ADCY2: variants seen among roughly 807,000 people sequenced by gnomAD.
The protein encoded by ADCY2 is adenylate cyclase 2, also known as adenylate cyclase type 2.
Under a neutral mutation model 125.2 loss-of-function variants are expected in ADCY2, and 31 were observed. That is an observed-to-expected ratio of 0.25 (90% confidence interval 0.19 to 0.33). ADCY2 has a LOEUF of 0.33. ADCY2 is among the 10% of genes least tolerant of loss of function. The probability of loss-of-function intolerance (pLI) is 1.00; values close to 1 mark genes in which losing one functional copy is unlikely to be tolerated. For missense variants in ADCY2, 904 were observed against 1,418.2 expected (o/e 0.64, Z 5.82); for synonymous variants, 512 against 548.4 (o/e 0.93, Z 0.93).
intron 14 of ADCY2, among the ~76,000 whole-genome samples, chr5:7,739,364 T>C (rs1158073282): frequency 6.6e-6 from 1 of 151,822 alleles, no homozygotes; most frequent in Non-Finnish European, 1.5e-5. Flanking sequence ...TGTAAAAATG[T>C]TTAAATATCA....
At chr5:7,783,361 G>C (rs1579430844) in intron 18 of ADCY2, among the ~76,000 whole-genome samples, 1 of 152,136 alleles carries the variant, frequency 6.6e-6, no homozygotes. Context: ...GTAGGGGTTG[G>C]TACCCACCTT....
At chr5:7,606,922 T>C (rs1156273196) in intron 3 of ADCY2, among the ~76,000 whole-genome samples, 1 of 152,212 alleles carries the variant, frequency 6.6e-6, no homozygotes, top group Non-Finnish European at 1.5e-5. Context: ...GTCCATACTG[T>C]CTTCCATCCC....
intron 1 of ADCY2, among the ~76,000 whole-genome samples, chr5:7,409,164 G>A (rs1029672248): frequency 6.6e-6 from 1 of 152,162 alleles, no homozygotes; most frequent in South Asian, 2.1e-4. Flanking sequence ...TCACTTGTAA[G>A]TGGGAGCTAA....
chr5:7,659,703 G>T (rs1289132063), intron 4 of ADCY2, among the ~76,000 whole-genome samples: 1 of 152,180 alleles, frequency 6.6e-6, no homozygotes, highest in Non-Finnish European at 1.5e-5. Context: ...ACAAGAAACA[G>T]TTTCATTATT....
intron 24 of ADCY2, among the ~76,000 whole-genome samples, chr5:7,821,113 C>G (rs563804453): frequency 6.6e-6 from 1 of 152,116 alleles, no homozygotes; most frequent in Non-Finnish European, 1.5e-5. Flanking sequence ...AAGTGGTAGG[C>G]TTCGGAGAGG....
intron 3 of ADCY2, among the ~76,000 whole-genome samples, chr5:7,603,784 CTTTTTT>C: frequency 5.5e-3 from 347 of 62,808 alleles, no homozygotes; most frequent in African/African-American, 8.1e-3. Flanking sequence ...TGCTCTCTTT[CTTTTTT>C]TTTTTTTTTT....
chr5:7,592,492 G>A (rs1027236244), intron 3 of ADCY2, among the ~76,000 whole-genome samples: 12 of 152,044 alleles, frequency 7.9e-5, no homozygotes, highest in Non-Finnish European at 1.2e-4. Context: ...GTGGGAAGAC[G>A]TAATGCCCAG....
chr5:7,820,776 T>C (rs538213093), intron 24 of ADCY2, 87 bp downstream of exon 24: 3 of 1,402,680 alleles, frequency 2.1e-6, no homozygotes, highest in Admixed American at 2.6e-5. Flanking sequence ...GATACTAATA[T>C]ATTAAAACAA....
At chr5:7,408,941 GCAGCAGCATTCACAA>G (rs1739607258) in intron 1 of ADCY2, among the ~76,000 whole-genome samples, 1 of 152,146 alleles carries the variant, frequency 6.6e-6, no homozygotes, top group Non-Finnish European at 1.5e-5. Flanking sequence ...AATATTCATT[GCAGCAGCATTCACAA>G]CAGCAAAGAC....
chr5:7,448,647 A>ACAGGT (rs973431320), intron 2 of ADCY2, among the ~76,000 whole-genome samples: 2 of 151,682 alleles, frequency 1.3e-5, no homozygotes, highest in African/African-American at 4.8e-5. Context: ...CTACCCTCCA[A>ACAGGT]CAGGTCCTCG....
chr5:7,641,479 T>C (rs916051958), intron 4 of ADCY2, among the ~76,000 whole-genome samples: 9 of 152,188 alleles, frequency 5.9e-5, no homozygotes, highest in African/African-American at 2.2e-4. Flanking sequence ...GATGTCTCCT[T>C]TGTCAAGATA....
At chr5:7,561,120 C>T (rs1735695080) in intron 3 of ADCY2, among the ~76,000 whole-genome samples, 1 of 152,240 alleles carries the variant, frequency 6.6e-6, no homozygotes. Flanking sequence ...CACATGCTTG[C>T]ATGCTTGGGC....
chr5:7,666,147 T>C (rs1328968151), intron 4 of ADCY2, among the ~76,000 whole-genome samples: 2 of 151,612 alleles, frequency 1.3e-5, no homozygotes, highest in Admixed American at 6.6e-5. Flanking sequence ...CCTTATTTAA[T>C]TCTTAGGAAA....
chr5:7,693,406 GTTTTTTGTTTTT>G (rs1265843531), intron 5 of ADCY2, among the ~76,000 whole-genome samples: 3 of 58,658 alleles, frequency 5.1e-5, no homozygotes, highest in Non-Finnish European at 1.1e-4. Context: ...ATTGCCTGCT[GTTTTTTGTTTTT>G]TTTTTTTTTT....
intron 3 of ADCY2, among the ~76,000 whole-genome samples, chr5:7,616,237 T>G (rs189258447): frequency 6.6e-6 from 1 of 152,188 alleles, no homozygotes; most frequent in East Asian, 1.9e-4. Context: ...TCAGAAGGAG[T>G]ATAATAATGT....
intron 7 of ADCY2, among the ~76,000 whole-genome samples, chr5:7,703,698 G>C (rs1022288811): frequency 1.3e-5 from 2 of 152,182 alleles, no homozygotes; most frequent in Non-Finnish European, 2.9e-5. Context: ...GGATTGACTT[G>C]ACAGTGCAGG....
rs188575442 is a variant in ADCY2 at position 7,761,830 on chromosome 5, G to A, written c.2094+4244G>A. ...AATGTTTGACAAGCTGATCATTTAG[G>A]AGGAGACATTCTTTCAACAGTAGCT... On this transcript the variant is annotated intron_variant, in intron 16 of 24. Transcript: ENST00000338316. Among the ~76,000 whole-genome samples, 172 of 152,304 alleles carry A rather than the reference G, an allele frequency of 1.1e-3. 2 individuals are homozygous for A. The highest frequency in any genetic ancestry group is 5.2e-3 in the South Asian group (25 of 4,830).
At position 7,827,891 on chromosome 5, in the gene ADCY2, C is replaced by T. The variant is rs1354799207; in HGVS notation, c.*1020C>T. ...TGTCTCCAAGAATGTTTTGCTAGAG[C>T]TAACAGACATAGACTGCAAAAGAAT... On this transcript the variant is annotated 3_prime_UTR_variant, in exon 25 of 25. Transcript: ENST00000338316. The T allele has an allele frequency of 6.6e-6, 1 of 152,422 alleles. No individual in the cohort carries two copies. The highest frequency in any genetic ancestry group is 1.5e-5 in the Non-Finnish European group (1 of 68,048). The allele number at this position is 152,422 out of a possible 1,614,324, so 9.4% of individuals were successfully genotyped here.
intron 2 of ADCY2, among the ~76,000 whole-genome samples, chr5:7,489,607 C>T (rs2126486079): frequency 6.6e-6 from 1 of 152,342 alleles, no homozygotes; most frequent in Admixed American, 6.5e-5. Flanking sequence ...GCTCTACCTT[C>T]ATCTTCCACC....
Sources: allele counts gnomAD v4.1 joint callset (sites outside exome capture counted in the v4.1 genomes callset), GRCh38; gene constraint gnomAD v4.1.1; transcripts MANE v1.5; gene names NCBI Gene and HGNC (gene_info 2026-07-23, HGNC 2026-07-21).